The following ANO7 variants were observed in gnomAD, a reference collection of about 807,000 sequenced individuals.
The protein encoded by ANO7 is anoctamin 7, also known as anoctamin-7.
ANO7 carries 114 observed loss-of-function variants against 115.8 expected under a neutral mutation model. The observed-to-expected ratio is 0.98, with a 90% CI of 0.85 to 1.15. The LOEUF (loss-of-function observed/expected upper bound fraction) is 1.15, where lower values mean the gene tolerates loss of function less well. Ranked by LOEUF, ANO7 falls within the 50% of genes most tolerant of loss-of-function variation. The pLI is 0.00. For missense variants in ANO7, 1,302 were observed against 1,201.2 expected (o/e 1.08, Z -1.24); for synonymous variants, 550 against 498.2 (o/e 1.10, Z -1.38).
At chr2:241,209,085 C>G (rs1010466205) in intron 11 of ANO7, among the ~76,000 whole-genome samples, 200 bp from the exon 12 acceptor site, 3 of 152,192 alleles carry the variant, frequency 2.0e-5, no homozygotes, top group East Asian at 1.9e-4. Flanking sequence ...GGAGGCGAAG[C>G]GTGCAGTGAG....
At chr2:241,238,591 C>T in the ANO7 span, 2 of 1,350,188 alleles carry the variant, frequency 1.5e-6, no homozygotes, top group Admixed American at 4.9e-5. The surrounding 1 kb of genome is among the most constrained non-coding windows in gnomAD (Gnocchi z 4.9). Context: ...GACAGCCCCG[C>T]CTCTCACATG....
the ANO7 span, among the ~76,000 whole-genome samples, chr2:241,233,257 CCAGGTGG>C: frequency 6.6e-6 from 1 of 152,170 alleles, no homozygotes; most frequent in Non-Finnish European, 1.5e-5. This position sits in a 1 kb window ranked among gnomAD's most constrained non-coding sequence, Gnocchi z 4.3. Flanking sequence ...GCCCTGCATG[CCAGGTGG>C]CAGGGCCCAG....
rs1190753001 is a variant in ANO7, at chr2:241,203,308, C to G, written c.724-25C>G. 1 of 1,498,852 alleles carries G rather than the reference C, an allele frequency of 6.7e-7. No homozygotes were observed. The highest frequency in any genetic ancestry group is 1.3e-5 in the South Asian group (1 of 74,468). The allele number at this position is 1,498,852 out of a possible 1,614,324, so 92.8% of individuals were successfully genotyped here. On this transcript the variant is annotated intron_variant, in intron 8 of 24. Transcript: ENST00000674324. The surrounding 1 kb of genome is among the most constrained non-coding windows in gnomAD (Gnocchi z 4.8). ...CAGTGGGGTCAGCTGGGGGAGCCTC[C>G]CACCCACAGGCCGCTCGCCCCCAGG...
At chr2:241,194,031 A>G (rs1172174639) in intron 3 of ANO7, among the ~76,000 whole-genome samples, 2 of 152,064 alleles carry the variant, frequency 1.3e-5, no homozygotes, top group Non-Finnish European at 2.9e-5. Flanking sequence ...ATGTGCCACC[A>G]CGCCTGGCTA....
Position 241,217,829 on chromosome 2 carries a change from C to T in ANO7, c.2116C>T (p.Gln706Ter), listed in dbSNP as rs2068871496. ...EYRRPVAERA[Q>*]DIGIWFHILA... is the part of the protein sequence containing the mutation. ...CCGGCGCCCGGTGGCCGAGCGCGCC[C>T]AGGACATCGGCATCTGGTTCCACAT... Residue 706 changes from glutamine to a stop codon, truncating the protein, a stop_gained, in exon 20 of 25, where the codon CAG (glutamine) becomes TAG (stop). Transcript: ENST00000674324. LOFTEE classifies it high-confidence loss of function. 1.2e-6 allele frequency: 2 copies of T among 1,609,150 alleles called. No homozygotes were observed. Among genetic ancestry groups the T allele is most frequent in the South Asian group, 2.2e-5 (2 of 90,694 alleles).
At chr2:241,201,137 C>T (rs529493988) in intron 6 of ANO7, among the ~76,000 whole-genome samples, 161 bp from the exon 7 acceptor site, 73 of 152,338 alleles carry the variant, frequency 4.8e-4, no homozygotes, top group African/African-American at 1.2e-3. Context: ...TCTCCTGGGG[C>T]GAGGGCTGTG....
chr2:241,238,554 A>ACAGGAAAGAGCCTCAC, the ANO7 span: 1 of 991,226 alleles, frequency 1.0e-6, no homozygotes. The surrounding 1 kb of genome is among the most constrained non-coding windows in gnomAD (Gnocchi z 4.9). Context: ...TCCAGCAGAG[A>ACAGGAAAGAGCCTCAC]CAGGAAAGAG....
At position 241,203,411 on chromosome 2, in the gene ANO7, C is replaced by T. The variant is rs200243170; in HGVS notation, c.802C>T (p.Arg268Cys). Residue 268 changes from arginine (R) to cysteine (C), a missense_variant, in exon 9 of 25, where the codon CGC becomes TGC. Transcript: ENST00000674324. The surrounding 1 kb of genome is among the most constrained non-coding windows in gnomAD (Gnocchi z 4.8). ...QRQVLFQHWARWGKWNKYQPL... is the reference protein window; with the variant it reads ...QRQVLFQHWACWGKWNKYQPL... ...CCAAGTCCTTTTCCAGCACTGGGCG[C>T]GCTGGGGCAAGTGGAACAAGTACCA... is the stretch of plus-strand genomic sequence containing the variant. The T allele has an allele frequency of 5.6e-5, 90 of 1,597,392 alleles. No homozygotes were observed. The African/African-American group carries it at 8.4e-4, about 15-fold the overall frequency.
chr2:241,236,576 G>A, the ANO7 span: 1 of 1,607,264 alleles, frequency 6.2e-7, no homozygotes, highest in Non-Finnish European at 8.5e-7. Flanking sequence ...TGCTGACTGG[G>A]CCTTGGCGGG....
intron 4 of ANO7, among the ~76,000 whole-genome samples, chr2:241,196,747 G>T (rs895795676): frequency 6.6e-6 from 1 of 152,234 alleles, no homozygotes. Context: ...ACATGTGAAT[G>T]CCGGTCTTTG....
chr2:241,203,364 A>G lies in ANO7; in HGVS notation c.755A>G (p.Gln252Arg). The G allele has an allele frequency of 6.3e-7, 1 of 1,584,902 alleles. No homozygotes were observed. Among genetic ancestry groups the G allele is most frequent in the Non-Finnish European group, 8.6e-7 (1 of 1,167,200 alleles). Residue 252 changes from glutamine (Q) to arginine (R), a missense_variant, in exon 9 of 25, where the codon CAG becomes CGG. By Grantham distance (43) the Gln-to-Arg change is conservative. Transcript: ENST00000674324. This position sits in a 1 kb window ranked among gnomAD's most constrained non-coding sequence, Gnocchi z 4.8. ...TTCAAGACGCCCCCAGAGGGCCCGC[A>G]GGCTCCACGCCTCAACCAGCGCCAA... ...GPFKTPPEGP[Q>R]APRLNQRQVL...
intron 21 of ANO7, among the ~76,000 whole-genome samples, 173 bp from the exon 22 acceptor site, chr2:241,223,013 T>C (rs1201114045): frequency 6.6e-6 from 1 of 152,120 alleles, no homozygotes; most frequent in Admixed American, 6.5e-5. Context: ...ATTGTCAGAG[T>C]ATCCTGTTTG....
the ANO7 span, chr2:241,239,511 C>T: frequency 9.5e-7 from 1 of 1,054,812 alleles, no homozygotes; most frequent in Non-Finnish European, 1.4e-6. This position sits in a 1 kb window ranked among gnomAD's most constrained non-coding sequence, Gnocchi z 4.6. Context: ...AGGGAGTCAC[C>T]TCCCTACAGG....
At position 241,202,132 on chromosome 2, in the gene ANO7, G is replaced by T. The variant is rs528495176; in HGVS notation, c.613-62G>T. 2,181 of 1,433,758 alleles carry T rather than the reference G, an allele frequency of 1.5e-3. 8 individuals are homozygous for T. Among genetic ancestry groups the T allele is most frequent in the Non-Finnish European group, 2.0e-3 (2,073 of 1,023,342 alleles). The allele number at this position is 1,433,758 out of a possible 1,614,324, so 88.8% of individuals were successfully genotyped here. On this transcript the variant is annotated intron_variant, in intron 7 of 24. Coordinates refer to ENST00000674324, the MANE Select transcript of ANO7 (RefSeq NM_001370694.2). ...CCTTGGCCTAAAGACAGGCTAGCTA[G>T]GACTTCCCTGTTCTGCTATCACGTG...
At chr2:241,232,275 C>CTTT in the ANO7 span, among the ~76,000 whole-genome samples, 31 of 143,454 alleles carry the variant, frequency 2.2e-4, 1 homozygote, top group Non-Finnish European at 2.3e-4. Flanking sequence ...TAAACAATGA[C>CTTT]TTTTTTTTTT....
the ANO7 span, among the ~76,000 whole-genome samples, chr2:241,237,854 T>C: frequency 1.3e-5 from 2 of 152,080 alleles, no homozygotes; most frequent in Admixed American, 1.3e-4. Flanking sequence ...ATAGACAGAG[T>C]GCAGTATGAG....
chr2:241,197,835 G>C (rs1372892812), intron 4 of ANO7, among the ~76,000 whole-genome samples: 1 of 151,948 alleles, frequency 6.6e-6, no homozygotes, highest in Non-Finnish European at 1.5e-5. Flanking sequence ...ATTTTTAGTA[G>C]AGGCGGGGTT....
chr2:241,229,758 C>G, downstream of ANO7: 1 of 1,605,896 alleles, frequency 6.2e-7, no homozygotes, highest in Non-Finnish European at 8.5e-7. Context: ...GACGCAGTTG[C>G]CACCCTCAGG....
chr2:241,216,326 T>C (rs1229122437), intron 19 of ANO7, 88 bp downstream of exon 19: 2 of 1,435,826 alleles, frequency 1.4e-6, no homozygotes, highest in South Asian at 1.5e-5. Context: ...CAGCCTGACA[T>C]TCCTGTGTCT....
Sources: allele counts gnomAD v4.1 joint callset (sites outside exome capture counted in the v4.1 genomes callset), GRCh38; gene constraint gnomAD v4.1.1; non-coding constraint Gnocchi (gnomAD v3.1); transcripts MANE v1.5; gene names NCBI Gene and HGNC (gene_info 2026-07-23, HGNC 2026-07-21).